The following PTPRN2 variants were observed in gnomAD, a reference collection of about 807,000 sequenced individuals.
PTPRN2 encodes protein tyrosine phosphatase receptor type N2, also known as receptor-type tyrosine-protein phosphatase N2.
In PTPRN2, 74 loss-of-function variants were observed where a neutral mutation model predicts 118.8. The observed-to-expected ratio is 0.62, with a 90% confidence interval of 0.52 to 0.76. The LOEUF (loss-of-function observed/expected upper bound fraction) is 0.76, where lower values mean the gene tolerates loss of function less well. Among genes scored for constraint, PTPRN2 ranks in the 30% least tolerant of loss-of-function variants. The pLI, the probability that PTPRN2 is intolerant of heterozygous loss-of-function variation, is 0.00. For missense variants in PTPRN2, 1,481 were observed against 1,394.4 expected, an observed-to-expected ratio of 1.06 and a Z score of -0.99; for synonymous variants, 641 against 608.0, an observed-to-expected ratio of 1.05 and a Z score of -0.80.
chr7:158,443,200 G>A (rs562392358), intron 2 of PTPRN2, among the ~76,000 whole-genome samples: 7 of 152,278 alleles, frequency 4.6e-5, no homozygotes, highest in South Asian at 2.1e-4. Context: ...AGGCAGGAGC[G>A]GAGGCTGCGG....
intron 10 of PTPRN2, among the ~76,000 whole-genome samples, chr7:158,085,648 A>G (rs1478864846): frequency 8.4e-4 from 31 of 36,958 alleles, no homozygotes; most frequent in South Asian, 1.4e-3. Context: ...CCACACAGAT[A>G]CCCATCCACA....
At chr7:158,192,584 G>A in intron 4 of PTPRN2, 89 bp from the exon 5 acceptor site, 1 of 1,423,440 alleles carries the variant, frequency 7.0e-7, no homozygotes, top group Non-Finnish European at 9.3e-7. Flanking sequence ...GTGCATGCAA[G>A]GGGCTGGGAG....
intron 12 of PTPRN2, among the ~76,000 whole-genome samples, chr7:157,726,529 A>G (rs1184566981): frequency 6.6e-6 from 1 of 152,264 alleles, no homozygotes; most frequent in African/African-American, 2.4e-5. Flanking sequence ...CAGAACATAC[A>G]TGAACTCAGA....
intron 11 of PTPRN2, among the ~76,000 whole-genome samples, chr7:157,948,253 T>C: frequency 6.6e-6 from 1 of 152,308 alleles, no homozygotes; most frequent in Non-Finnish European, 1.5e-5. Context: ...TAATTATAAA[T>C]CTATGTTAAC....
At chr7:157,942,370 G>A (rs977934383) in intron 11 of PTPRN2, among the ~76,000 whole-genome samples, 3 of 152,208 alleles carry the variant, frequency 2.0e-5, no homozygotes, top group African/African-American at 4.8e-5. Flanking sequence ...AGGGCTGCGT[G>A]TCACCTCACT....
rs142435580 is a variant in PTPRN2 at position 157,634,873 on chromosome 7, C to T, written c.2197-13364G>A. 1.4e-3 allele frequency among the ~76,000 whole-genome samples: 219 copies of T among 152,332 alleles called. 1 individual carries two copies. The highest frequency in any genetic ancestry group is 5.1e-3 in the African/African-American group (213 of 41,566). On this transcript the variant is annotated intron_variant, in intron 14 of 22. Coordinates refer to ENST00000389418, the MANE Select transcript of PTPRN2 (RefSeq NM_002847.5). ...ATGAAAACTGCACATCTGCAGTGGA[C>T]GTGGTCACCTGCCTGTTGTCCTTGG... is the stretch of plus-strand genomic sequence containing the variant.
intron 11 of PTPRN2, among the ~76,000 whole-genome samples, chr7:157,981,059 C>G (rs968177069): frequency 5.9e-5 from 9 of 152,350 alleles, no homozygotes; most frequent in Admixed American, 1.3e-4. Flanking sequence ...CCTGCGCACT[C>G]TGGCTGTGTT....
intron 12 of PTPRN2, among the ~76,000 whole-genome samples, chr7:157,753,194 C>T (rs925092624): frequency 2.0e-5 from 3 of 152,208 alleles, no homozygotes; most frequent in African/African-American, 4.8e-5. Flanking sequence ...ACCCACACCC[C>T]GCGCAGTGGG....
intron 2 of PTPRN2, among the ~76,000 whole-genome samples, chr7:158,368,369 C>T (rs1165643248): frequency 1.3e-5 from 2 of 152,156 alleles, no homozygotes; most frequent in Non-Finnish European, 2.9e-5. Flanking sequence ...CTACCTAAAG[C>T]TTTCATTACA....
intron 3 of PTPRN2, among the ~76,000 whole-genome samples, chr7:158,271,981 T>C (rs969048773): frequency 6.6e-6 from 1 of 152,232 alleles, no homozygotes; most frequent in African/African-American, 2.4e-5. Flanking sequence ...AAGTAATTTG[T>C]ACTTATATAC....
chr7:158,457,795 G>A (rs1277308487), intron 2 of PTPRN2, among the ~76,000 whole-genome samples: 2 of 148,782 alleles, frequency 1.3e-5, no homozygotes, highest in African/African-American at 5.1e-5. Flanking sequence ...GTCAGCGCAC[G>A]GTGAGGGGCG....
chr7:157,664,990 T>C (rs1388712371), intron 13 of PTPRN2, among the ~76,000 whole-genome samples: 1 of 152,174 alleles, frequency 6.6e-6, no homozygotes, highest in Admixed American at 6.5e-5. Flanking sequence ...GAGTGAGGCC[T>C]GTGGGCCACA....
At chr7:157,916,350 G>C (rs1296186191) in intron 11 of PTPRN2, among the ~76,000 whole-genome samples, 1 of 152,214 alleles carries the variant, frequency 6.6e-6, no homozygotes, top group African/African-American at 2.4e-5. Context: ...GCCTCTGGGA[G>C]GTGTTGGCCC....
At chr7:157,576,514 G>T in intron 19 of PTPRN2, 99 bp downstream of exon 19, 1 of 1,251,144 alleles carries the variant, frequency 8.0e-7, no homozygotes. Context: ...ACACAGACGC[G>T]GCCCTCGGCG....
intron 12 of PTPRN2, among the ~76,000 whole-genome samples, chr7:157,834,516 C>A (rs1807802598): frequency 6.9e-6 from 1 of 144,900 alleles, no homozygotes; most frequent in East Asian, 2.1e-4. Context: ...ATTCCACCCA[C>A]CAATCAGTGA....
At chr7:157,803,321 T>C (rs564771924) in intron 12 of PTPRN2, among the ~76,000 whole-genome samples, 4 of 152,122 alleles carry the variant, frequency 2.6e-5, no homozygotes, top group Non-Finnish European at 5.9e-5. Context: ...AAATATTTCC[T>C]CCCCGGTGAC....
chr7:157,905,350 C>G (rs899389507), intron 11 of PTPRN2, among the ~76,000 whole-genome samples: 1 of 152,208 alleles, frequency 6.6e-6, no homozygotes, highest in African/African-American at 2.4e-5. Context: ...GAGCCAAGCT[C>G]TGGGCCTCCC....
At chr7:158,276,310 G>A (rs149784930) in intron 3 of PTPRN2, among the ~76,000 whole-genome samples, 3,556 of 18,290 alleles carry the variant, frequency 0.19, 595 homozygotes, top group Middle Eastern at 0.24. Context: ...CCCCGGCCCC[G>A]ACAGGCTGTA....
In PTPRN2 at chr7:157,616,045, C is replaced by T. The variant is rs1802751375; in HGVS notation, c.2344+5317G>A. On this transcript the variant is annotated intron_variant, in intron 15 of 22. Transcript: ENST00000389418. Reference sequence around the variant, plus strand: ...CTTCCAAGTCACGGGAAACAGGGCGCCCAGGAGACGGTGAGCCCGGCTGCT... The same window carrying T: ...CTTCCAAGTCACGGGAAACAGGGCGTCCAGGAGACGGTGAGCCCGGCTGCT... 3.3e-5 allele frequency: 6 copies of T among 181,158 alleles called. No individual in the cohort carries two copies. The Admixed American group carries it at 3.5e-4, about 11-fold the overall frequency. 11.2% of individuals were successfully genotyped at this position (181,158 alleles called of 1,614,324 possible).
Sources: gnomAD v4.1 joint callset for allele counts (sites outside exome capture counted in the v4.1 genomes callset) on GRCh38, gnomAD v4.1.1 for gene constraint, MANE v1.5 for transcripts, NCBI Gene and HGNC (gene_info 2026-07-23, HGNC 2026-07-21) for gene names.